The following NXPE2 variants were observed in gnomAD, a reference collection of about 807,000 sequenced individuals.
NXPE2 encodes neurexophilin and PC-esterase domain family member 2.
NXPE2 carries 34 observed loss-of-function variants against 34.4 expected under a neutral mutation model. That is an observed-to-expected ratio of 0.99 (90% CI 0.75 to 1.31). NXPE2 has a LOEUF of 1.31. NXPE2 is among the 40% of genes most tolerant of loss of function. NXPE2 has a pLI of 0.00. For missense variants in NXPE2, 649 were observed against 672.5 expected (o/e 0.97, Z 0.39); for synonymous variants, 235 against 231.3 (o/e 1.02, Z -0.15).
At chr11:114,520,446 T>C in the NXPE2 span, among the ~76,000 whole-genome samples, 1 of 152,244 alleles carries the variant, frequency 6.6e-6, no homozygotes, top group Non-Finnish European at 1.5e-5. Flanking sequence ...TATAGCAGCA[T>C]CTCCTTTTGT....
the NXPE2 span, among the ~76,000 whole-genome samples, chr11:114,667,474 G>A: frequency 1.3e-5 from 2 of 151,254 alleles, no homozygotes; most frequent in Admixed American, 6.6e-5. Context: ...CACCCTCAAA[G>A]AAGTGGAACC....
At chr11:114,807,477 A>G in the NXPE2 span, among the ~76,000 whole-genome samples, 2 of 152,042 alleles carry the variant, frequency 1.3e-5, no homozygotes, top group Admixed American at 6.6e-5. Flanking sequence ...TATAGGCTCA[A>G]AATAAAGGGA....
chr11:114,766,393 C>T, the NXPE2 span, among the ~76,000 whole-genome samples: 1 of 152,132 alleles, frequency 6.6e-6, no homozygotes, highest in South Asian at 2.1e-4. Flanking sequence ...TTGGCTTCAT[C>T]CAACTACTCA....
At chr11:114,641,659 A>G in the NXPE2 span, among the ~76,000 whole-genome samples, 1 of 152,084 alleles carries the variant, frequency 6.6e-6, no homozygotes, top group African/African-American at 2.4e-5. Context: ...CAAATGGAAA[A>G]GATACTAATA....
chr11:114,663,941 C>A, the NXPE2 span, among the ~76,000 whole-genome samples: 5 of 152,068 alleles, frequency 3.3e-5, no homozygotes, highest in Admixed American at 6.6e-5. Context: ...TGGCACATTG[C>A]TGATGGGGTG....
the NXPE2 span, among the ~76,000 whole-genome samples, chr11:114,496,218 C>T: frequency 6.6e-6 from 1 of 152,140 alleles, no homozygotes; most frequent in African/African-American, 2.4e-5. Flanking sequence ...CAACTTGCCT[C>T]TCATTAGGGC....
the NXPE2 span, among the ~76,000 whole-genome samples, chr11:114,754,139 A>G: frequency 6.6e-6 from 1 of 152,326 alleles, no homozygotes; most frequent in East Asian, 1.9e-4. Context: ...TATAATGATT[A>G]TTCTCATTTT....
the NXPE2 span, among the ~76,000 whole-genome samples, chr11:114,807,467 T>C: frequency 2.6e-5 from 4 of 151,522 alleles, no homozygotes; most frequent in African/African-American, 4.9e-5. Context: ...CAGAGACACA[T>C]ATAGGCTCAA....
chr11:114,639,199 C>T, the NXPE2 span, among the ~76,000 whole-genome samples: 7 of 151,842 alleles, frequency 4.6e-5, no homozygotes, highest in East Asian at 1.9e-4. Flanking sequence ...GCCTCACTGC[C>T]GCCTTTCAGT....
the NXPE2 span, among the ~76,000 whole-genome samples, chr11:114,597,150 C>A: frequency 6.6e-6 from 1 of 151,914 alleles, no homozygotes; most frequent in Non-Finnish European, 1.5e-5. Context: ...ATATTGTAAC[C>A]CTGGTATAAC....
intron 4 of NXPE2, 97 bp from the exon 5 acceptor site, chr11:114,705,684 G>A (rs1951458331): frequency 1.6e-6 from 1 of 631,456 alleles, no homozygotes; most frequent in African/African-American, 1.9e-5. Context: ...GAGAAAGGGG[G>A]AGGAAAAAGA....
chr11:114,655,366 T>A, the NXPE2 span, among the ~76,000 whole-genome samples: 1 of 152,216 alleles, frequency 6.6e-6, no homozygotes, highest in Non-Finnish European at 1.5e-5. Flanking sequence ...TTTTTGCCAT[T>A]GCTTTTGGTG....
chr11:114,681,213 T>G (rs993449407), intron 2 of NXPE2, among the ~76,000 whole-genome samples: 6 of 152,238 alleles, frequency 3.9e-5, no homozygotes, highest in Non-Finnish European at 8.8e-5. Context: ...TTAATTTCCC[T>G]GCCTCCAGTC....
chr11:114,737,369 T>C, the NXPE2 span, among the ~76,000 whole-genome samples: 1 of 152,130 alleles, frequency 6.6e-6, no homozygotes. Flanking sequence ...CATTAGCGGA[T>C]GTCAGTGCTG....
the NXPE2 span, among the ~76,000 whole-genome samples, chr11:114,538,553 A>T: frequency 1.0e-3 from 155 of 152,378 alleles, no homozygotes; most frequent in African/African-American, 3.6e-3. Context: ...TAATATCCAG[A>T]ATCTACAATG....
At chr11:114,627,186 T>A in the NXPE2 span, among the ~76,000 whole-genome samples, 1 of 151,876 alleles carries the variant, frequency 6.6e-6, no homozygotes, top group East Asian at 1.9e-4. Flanking sequence ...AAGATACTCC[T>A]CGAGAAGAGC....
chr11:114,787,645 T>C, the NXPE2 span, among the ~76,000 whole-genome samples: 1 of 152,192 alleles, frequency 6.6e-6, no homozygotes, highest in Non-Finnish European at 1.5e-5. Flanking sequence ...AGCATTAGAC[T>C]GACCAATTAT....
the NXPE2 span, among the ~76,000 whole-genome samples, chr11:114,634,965 A>G: frequency 6.6e-6 from 1 of 151,984 alleles, no homozygotes; most frequent in African/African-American, 2.4e-5. Context: ...TTGGTTCCAT[A>G]TGAACTTTAA....
At chr11:114,738,906 C>T in the NXPE2 span, among the ~76,000 whole-genome samples, 1 of 152,028 alleles carries the variant, frequency 6.6e-6, no homozygotes, top group Non-Finnish European at 1.5e-5. Context: ...TTTTTGCTGT[C>T]TTCATTCAAG....
Sources: allele counts gnomAD v4.1 joint callset (sites outside exome capture counted in the v4.1 genomes callset), GRCh38; gene constraint gnomAD v4.1.1; transcripts MANE v1.5; gene names NCBI Gene and HGNC (gene_info 2026-07-23, HGNC 2026-07-21).